RSRC1: variants seen among roughly 807,000 people sequenced by gnomAD.
The protein encoded by RSRC1 is arginine and serine rich coiled-coil 1, also known as serine/Arginine-related protein 53.
RSRC1 carries 39 observed loss-of-function variants against 49.1 expected under a neutral mutation model. The ratio of observed to expected loss-of-function variants is 0.79; its 90% CI spans 0.61 to 1.04. The LOEUF is 1.04. RSRC1 is among the 50% of genes least tolerant of loss of function. The pLI, the probability that RSRC1 is intolerant of heterozygous loss-of-function variation, is 0.00. For missense variants in RSRC1, 388 were observed against 402.4 expected (o/e 0.96, Z 0.31); for synonymous variants, 143 against 130.8 (o/e 1.09, Z -0.63).
intron 5 of RSRC1, among the ~76,000 whole-genome samples, chr3:158,337,864 G>A (rs932531933): frequency 6.6e-6 from 1 of 152,118 alleles, no homozygotes; most frequent in African/African-American, 2.4e-5. Context: ...AATAGCTAAC[G>A]CTTTACTGAG....
intron 4 of RSRC1, among the ~76,000 whole-genome samples, chr3:158,218,649 G>A (rs1034789893): frequency 8.6e-5 from 13 of 151,530 alleles, no homozygotes; most frequent in African/African-American, 3.1e-4. Context: ...GTTTTAACAT[G>A]GTCTCAGGTT....
At chr3:158,246,845 A>T (rs905416885) in intron 4 of RSRC1, among the ~76,000 whole-genome samples, 1 of 152,020 alleles carries the variant, frequency 6.6e-6, no homozygotes, top group Non-Finnish European at 1.5e-5. Flanking sequence ...GGATAATCTG[A>T]TAATTATGTC....
chr3:158,156,819 T>C (rs182773136), intron 3 of RSRC1, among the ~76,000 whole-genome samples: 4 of 152,282 alleles, frequency 2.6e-5, no homozygotes, highest in African/African-American at 4.8e-5. Flanking sequence ...GTAGTAACAC[T>C]GGGAATCACT....
intron 5 of RSRC1, among the ~76,000 whole-genome samples, chr3:158,339,238 G>A (rs1278602383): frequency 6.9e-6 from 1 of 145,706 alleles, no homozygotes; most frequent in African/African-American, 2.6e-5. Flanking sequence ...CTTGCAGTGA[G>A]CAGAGATTGC....
rs527739843 is a variant in RSRC1, at chr3:158,171,141, G to A, written c.321-31931G>A. Among the ~76,000 whole-genome samples, 6 of 152,312 alleles carry A rather than the reference G, an allele frequency of 3.9e-5. No individual in the cohort carries two copies. In the South Asian group the frequency reaches 1.2e-3, roughly 32 times the overall value. Reference sequence around the variant, plus strand: ...CATGTGAGTGGAGAGATTCAAAGGAGCATAACAAAAGCTTTGGAAACTGAA... The same window carrying A: ...CATGTGAGTGGAGAGATTCAAAGGAACATAACAAAAGCTTTGGAAACTGAA... On this transcript the variant is annotated intron_variant, in intron 3 of 9. Coordinates refer to ENST00000611884, the MANE Select transcript of RSRC1 (RefSeq NM_001271838.2).
chr3:158,491,121 A>C (rs1578539566), intron 7 of RSRC1, among the ~76,000 whole-genome samples: 1 of 152,292 alleles, frequency 6.6e-6, no homozygotes, highest in East Asian at 1.9e-4. Flanking sequence ...ATTTTATCAT[A>C]GTTTTCCCAG....
At chr3:158,165,258 A>C (rs1718466992) in intron 3 of RSRC1, among the ~76,000 whole-genome samples, 1 of 152,216 alleles carries the variant, frequency 6.6e-6, no homozygotes, top group Non-Finnish European at 1.5e-5. Context: ...GAGGTAATGA[A>C]GTGGATTTTT....
chr3:158,389,183 T>C (rs1244884985), intron 6 of RSRC1, among the ~76,000 whole-genome samples: 3 of 152,232 alleles, frequency 2.0e-5, no homozygotes, highest in African/African-American at 7.2e-5. Context: ...TACAGATTTC[T>C]CTACTGATCA....
At chr3:158,388,096 AGTT>A in intron 6 of RSRC1, among the ~76,000 whole-genome samples, 1 of 152,032 alleles carries the variant, frequency 6.6e-6, no homozygotes, top group Non-Finnish European at 1.5e-5. Flanking sequence ...GCAATATTCC[AGTT>A]GTTGATCTTT....
At chr3:158,308,910 A>G (rs1226192948) in intron 5 of RSRC1, among the ~76,000 whole-genome samples, 1 of 151,904 alleles carries the variant, frequency 6.6e-6, no homozygotes, top group Non-Finnish European at 1.5e-5. Context: ...AAAACTTTTT[A>G]TGGGAGTGCA....
intron 4 of RSRC1, among the ~76,000 whole-genome samples, chr3:158,219,651 A>G (rs901973128): frequency 4.0e-5 from 6 of 151,642 alleles, no homozygotes; most frequent in African/African-American, 1.2e-4. Context: ...AAGGATTTTA[A>G]CTTAGAGAAG....
intron 5 of RSRC1, among the ~76,000 whole-genome samples, chr3:158,321,632 T>C (rs1361706094): frequency 6.6e-6 from 1 of 151,544 alleles, no homozygotes; most frequent in East Asian, 1.9e-4. Flanking sequence ...CTGTATTAAG[T>C]TGGTGCAAAA....
intron 4 of RSRC1, among the ~76,000 whole-genome samples, chr3:158,297,101 T>C (rs1727278646): frequency 6.6e-6 from 1 of 152,082 alleles, no homozygotes; most frequent in Non-Finnish European, 1.5e-5. Context: ...TGTTGGAGGA[T>C]TTATATTAAT....
intron 8 of RSRC1, among the ~76,000 whole-genome samples, chr3:158,541,493 T>A (rs1713029698): frequency 6.6e-6 from 1 of 152,226 alleles, no homozygotes; most frequent in African/African-American, 2.4e-5. Flanking sequence ...GCTTAGCAAT[T>A]AGTAGTGCTC....
intron 4 of RSRC1, among the ~76,000 whole-genome samples, chr3:158,292,431 C>T: frequency 6.6e-6 from 1 of 152,164 alleles, no homozygotes; most frequent in East Asian, 1.9e-4. Context: ...TAAAAAAAGA[C>T]CTGCTGTACT....
chr3:158,439,898 C>G (rs1165771859), intron 6 of RSRC1, among the ~76,000 whole-genome samples: 2 of 152,052 alleles, frequency 1.3e-5, no homozygotes, highest in Admixed American at 6.6e-5. Flanking sequence ...CTAGCTCTGT[C>G]TAGAGTTAAG....
At chr3:158,449,764 C>A (rs1736918015) in intron 6 of RSRC1, among the ~76,000 whole-genome samples, 1 of 151,876 alleles carries the variant, frequency 6.6e-6, no homozygotes, top group Non-Finnish European at 1.5e-5. Flanking sequence ...ATGATTTGTG[C>A]CGTAATTTCT....
chr3:158,318,026 C>CGTGTGT (rs143213290), intron 5 of RSRC1, among the ~76,000 whole-genome samples: 1 of 149,416 alleles, frequency 6.7e-6, no homozygotes, highest in East Asian at 2.0e-4. Flanking sequence ...TTTGTGTGTG[C>CGTGTGT]GTGTGTGTGT....
Position 158,405,282 on chromosome 3 carries a change from TTAAA to T in RSRC1, c.583+50376_583+50379del, listed in dbSNP as rs140809617. On this transcript the variant is annotated intron_variant, in intron 6 of 9. Transcript: ENST00000611884. ...AAATGCACACAAATGTGAATTTTAA[TTAAA>T]TGTTATACTGCAATGATAAACTATA... Among the ~76,000 whole-genome samples, 2,065 of 152,198 alleles carry T rather than the reference TTAAA, an allele frequency of 0.014. 145 individuals are homozygous for T. The East Asian group carries it at 0.16, about 12-fold the overall frequency.
Sources: gnomAD v4.1 joint callset for allele counts (sites outside exome capture counted in the v4.1 genomes callset) on GRCh38, gnomAD v4.1.1 for gene constraint, MANE v1.5 for transcripts, NCBI Gene and HGNC (gene_info 2026-07-23, HGNC 2026-07-21) for gene names.